The following GPC3 variants were observed in gnomAD, a reference collection of about 807,000 sequenced individuals.
GPC3 encodes the protein glypican 3, also known as glypican-3.
Under a neutral mutation model 34.4 loss-of-function variants are expected in GPC3, and 3 were observed. The ratio of observed to expected loss-of-function variants is 0.09; its 90% CI spans 0.04 to 0.23. The LOEUF (loss-of-function observed/expected upper bound fraction) is 0.23. Ranked by LOEUF, GPC3 falls within the 10% of genes least tolerant of loss-of-function variation. The probability of loss-of-function intolerance (pLI) is 1.00; values close to 1 mark genes in which losing one functional copy is unlikely to be tolerated. For missense variants in GPC3, 351 were observed against 445.6 expected (o/e 0.79, Z 1.91); for synonymous variants, 177 against 174.0 (o/e 1.02, Z -0.13).
chrX:133,748,909 C>T (rs185810173), intron 3 of GPC3, among the ~76,000 whole-genome samples: 2 of 111,636 alleles, frequency 1.8e-5, no homozygotes, highest in Admixed American at 9.5e-5. Flanking sequence ...ATCTTCGAAA[C>T]GAGGTGGCTG....
intron 7 of GPC3, among the ~76,000 whole-genome samples, chrX:133,545,640 G>A (rs1475706701): frequency 1.4e-4 from 16 of 111,689 alleles, no homozygotes; most frequent in Non-Finnish European, 7.5e-5. Context: ...TGGCAGTGCT[G>A]TTAGTGCCAC....
intron 7 of GPC3, among the ~76,000 whole-genome samples, chrX:133,595,990 TTTTG>T (rs908055835): frequency 8.9e-6 from 1 of 112,273 alleles, no homozygotes; most frequent in African/African-American, 3.2e-5. Context: ...CATTTCTTTT[TTTTG>T]TTTGTTTGTT....
At chrX:133,955,922 C>T (rs1160391029) in intron 1 of GPC3, among the ~76,000 whole-genome samples, 1 of 111,697 alleles carries the variant, frequency 9.0e-6, no homozygotes, top group Non-Finnish European at 1.9e-5. Context: ...ATTTTTATTA[C>T]AACATCTTAT....
At chrX:133,813,441 G>A (rs2075674846) in intron 2 of GPC3, among the ~76,000 whole-genome samples, 1 of 112,483 alleles carries the variant, frequency 8.9e-6, no homozygotes, top group South Asian at 3.7e-4. Flanking sequence ...TAACCTCTGG[G>A]GGAAGTATTA....
chrX:133,984,839 G>T (rs913192542), intron 1 of GPC3, among the ~76,000 whole-genome samples: 49 of 108,455 alleles, frequency 4.5e-4, no homozygotes, highest in Non-Finnish European at 4.4e-4. Context: ...GTGGGGGTAC[G>T]TTGGGGAAGG....
chrX:133,945,978 G>C (rs1569457876), intron 2 of GPC3, among the ~76,000 whole-genome samples: 1 of 110,996 alleles, frequency 9.0e-6, no homozygotes, highest in Non-Finnish European at 1.9e-5. Flanking sequence ...AAACTGCAAA[G>C]GTTTTTTCTT....
intron 2 of GPC3, among the ~76,000 whole-genome samples, chrX:133,920,950 T>C (rs1214848246): frequency 9.0e-6 from 1 of 111,661 alleles, no homozygotes; most frequent in Non-Finnish European, 1.9e-5. Context: ...TCCCCAGATT[T>C]CCCACTAATG....
At chrX:133,960,634 T>C (rs1159042099) in intron 1 of GPC3, among the ~76,000 whole-genome samples, 1 of 110,239 alleles carries the variant, frequency 9.1e-6, no homozygotes, top group Non-Finnish European at 1.9e-5. Context: ...AAATCTTTTC[T>C]ATATATATAT....
chrX:133,713,932 C>G (rs759349053), intron 3 of GPC3, among the ~76,000 whole-genome samples: 3 of 111,850 alleles, frequency 2.7e-5, no homozygotes, highest in Non-Finnish European at 3.8e-5. Context: ...ATCGGCATAA[C>G]TCAGTGAGCC....
At chrX:133,921,307 A>G (rs1198899631) in intron 2 of GPC3, among the ~76,000 whole-genome samples, 1 of 111,338 alleles carries the variant, frequency 9.0e-6, no homozygotes, top group Admixed American at 9.6e-5. Flanking sequence ...GCTGGCTGGG[A>G]ACCAAGGCAG....
At chrX:133,831,139 G>A (rs2075773540) in intron 2 of GPC3, among the ~76,000 whole-genome samples, 1 of 111,726 alleles carries the variant, frequency 9.0e-6, no homozygotes, top group Non-Finnish European at 1.9e-5. Context: ...GGTAACATGA[G>A]GGAGTTTATT....
chrX:133,801,530 C>T (rs1446309043), intron 2 of GPC3, among the ~76,000 whole-genome samples: 1 of 111,871 alleles, frequency 8.9e-6, no homozygotes, highest in Admixed American at 9.5e-5. Context: ...CACCTCTTCC[C>T]CTTCCTCTAT....
At chrX:133,562,836 C>T (rs964877457) in intron 7 of GPC3, among the ~76,000 whole-genome samples, 7 of 110,608 alleles carry the variant, frequency 6.3e-5, no homozygotes, top group Admixed American at 1.9e-4. Flanking sequence ...CTGGAGGGAC[C>T]GCATGAGAGA....
At chrX:133,762,911 A>G (rs761559489) in intron 2 of GPC3, 35 of 552,526 alleles carry the variant, frequency 6.3e-5, no homozygotes, top group Non-Finnish European at 1.1e-4. Flanking sequence ...CAGTACATCT[A>G]TAAAAGGAAA....
At chrX:133,823,872 C>T (rs1481879523) in intron 2 of GPC3, among the ~76,000 whole-genome samples, 1 of 108,465 alleles carries the variant, frequency 9.2e-6, no homozygotes, top group African/African-American at 3.4e-5. Flanking sequence ...GTAATCACAG[C>T]TACTCGGGAG....
intron 2 of GPC3, among the ~76,000 whole-genome samples, chrX:133,864,960 C>T (rs751502527): frequency 9.8e-5 from 11 of 112,565 alleles, no homozygotes; most frequent in African/African-American, 3.5e-4. Flanking sequence ...CCTGTTCTTT[C>T]TTGCTGAATT....
chrX:133,728,122 T>G (rs2071427779), intron 3 of GPC3, among the ~76,000 whole-genome samples: 1 of 111,696 alleles, frequency 9.0e-6, no homozygotes, highest in South Asian at 3.8e-4. Flanking sequence ...CAACCTATCT[T>G]AAAGGCAAGG....
intron 5 of GPC3, among the ~76,000 whole-genome samples, chrX:133,677,594 T>C (rs141613785): frequency 8.9e-6 from 1 of 112,098 alleles, no homozygotes; most frequent in Admixed American, 9.4e-5. Flanking sequence ...GTTTGTTTGT[T>C]TGCATGGACT....
intron 2 of GPC3, among the ~76,000 whole-genome samples, chrX:133,883,922 C>A (rs920101286): frequency 1.8e-5 from 2 of 111,755 alleles, no homozygotes; most frequent in Non-Finnish European, 3.8e-5. Context: ...GGCTCGTTGT[C>A]AAAGATATGT....
Sources: gnomAD v4.1 joint callset for allele counts (sites outside exome capture counted in the v4.1 genomes callset) on GRCh38, gnomAD v4.1.1 for gene constraint, MANE v1.5 for transcripts, NCBI Gene and HGNC (gene_info 2026-07-23, HGNC 2026-07-21) for gene names.